The following TUSC3 variants were observed in gnomAD, a reference collection of about 807,000 sequenced individuals.
TUSC3 encodes the protein dolichyl-diphosphooligosaccharide--protein glycosyltransferase subunit TUSC3.
A neutral mutation model predicts 44.8 loss-of-function variants in TUSC3; 45 were observed. That is an observed-to-expected ratio of 1.00 (90% CI 0.79 to 1.29). The LOEUF (loss-of-function observed/expected upper bound fraction) is 1.29. Ranked by LOEUF, TUSC3 falls within the 50% of genes most tolerant of loss-of-function variation. The pLI, the probability that TUSC3 is intolerant of heterozygous loss-of-function variation, is 0.00. For missense variants in TUSC3, 519 were observed against 437.9 expected (o/e 1.19, Z -1.65); for synonymous variants, 212 against 152.9 (o/e 1.39, Z -2.85).
At chr8:15,552,202 G>C (rs1053938113) in intron 1 of TUSC3, among the ~76,000 whole-genome samples, 1 of 151,710 alleles carries the variant, frequency 6.6e-6, no homozygotes, top group Non-Finnish European at 1.5e-5. Context: ...AAATATATTG[G>C]AGTATCATCA....
At chr8:15,747,231 T>C (rs1811453786) in intron 8 of TUSC3, among the ~76,000 whole-genome samples, 1 of 152,080 alleles carries the variant, frequency 6.6e-6, no homozygotes, top group Admixed American at 6.5e-5. Flanking sequence ...AAAATCATAG[T>C]TCCTTATTAT....
chr8:15,691,838 G>T (rs372519080), intron 6 of TUSC3, among the ~76,000 whole-genome samples: 23 of 152,106 alleles, frequency 1.5e-4, no homozygotes, highest in African/African-American at 5.3e-4. Flanking sequence ...GAGTTTAGTG[G>T]TGTAATCTTG....
intron 1 of TUSC3, among the ~76,000 whole-genome samples, chr8:15,602,683 TG>T (rs1377520989): frequency 4.0e-5 from 6 of 149,488 alleles, no homozygotes; most frequent in African/African-American, 1.5e-4. Context: ...TGTGTGTGTG[TG>T]TGTGTGTGTG....
At chr8:15,558,550 T>G (rs1802344718) in intron 1 of TUSC3, among the ~76,000 whole-genome samples, 1 of 71,862 alleles carries the variant, frequency 1.4e-5, no homozygotes. Context: ...TCCCTCTTTT[T>G]CTATTGATTG....
chr8:15,581,972 G>T (rs186682549), intron 1 of TUSC3, among the ~76,000 whole-genome samples: 2 of 151,316 alleles, frequency 1.3e-5, no homozygotes, highest in South Asian at 2.1e-4. Context: ...TTCCGTGGGC[G>T]TAGGACCCTC....
At chr8:15,749,977 T>C (rs536921150) in intron 9 of TUSC3, among the ~76,000 whole-genome samples, 1 of 148,334 alleles carries the variant, frequency 6.7e-6, no homozygotes, top group African/African-American at 2.5e-5. Context: ...TAAGTGATAC[T>C]GTGAGATTTT....
intron 1 of TUSC3, among the ~76,000 whole-genome samples, chr8:15,557,789 G>C (rs1378770359): frequency 7.3e-6 from 1 of 137,424 alleles, no homozygotes; most frequent in Non-Finnish European, 1.6e-5. Flanking sequence ...GTTCACTCAT[G>C]ATTTGGCTCT....
At chr8:15,565,746 C>T (rs905091720) in intron 1 of TUSC3, among the ~76,000 whole-genome samples, 1 of 152,110 alleles carries the variant, frequency 6.6e-6, no homozygotes, top group Non-Finnish European at 1.5e-5. Context: ...ATACAAAGCT[C>T]TTTCCCTATA....
intron 2 of TUSC3, among the ~76,000 whole-genome samples, chr8:15,523,658 A>ATATC (rs1801329880): frequency 4.7e-5 from 1 of 21,326 alleles, no homozygotes; most frequent in Non-Finnish European, 1.4e-4. Context: ...ATATATATAT[A>ATATC]TATATATGTG....
At chr8:15,838,887 C>A in the TUSC3 span, among the ~76,000 whole-genome samples, 110 of 152,138 alleles carry the variant, frequency 7.2e-4, no homozygotes, top group African/African-American at 2.5e-3. Context: ...TTTTCCAATT[C>A]TGTGAGGAAA....
chr8:15,457,786 TTATC>T (rs1054621341), intron 1 of TUSC3, among the ~76,000 whole-genome samples: 7 of 147,174 alleles, frequency 4.8e-5, no homozygotes, highest in African/African-American at 1.5e-4. Context: ...ATAAATTAGA[TTATC>T]TAATCTAAAA....
chr8:15,610,489 T>C (rs532244640), intron 1 of TUSC3, among the ~76,000 whole-genome samples: 12 of 152,214 alleles, frequency 7.9e-5, no homozygotes, highest in African/African-American at 2.4e-4. Context: ...ACTAGCAAAC[T>C]TGATTTATTT....
the TUSC3 span, among the ~76,000 whole-genome samples, chr8:15,819,224 T>C: frequency 2.6e-5 from 4 of 152,318 alleles, no homozygotes; most frequent in African/African-American, 7.2e-5. Context: ...AGACTGCACA[T>C]CAACTATCAC....
intron 2 of TUSC3, among the ~76,000 whole-genome samples, chr8:15,519,134 AT>A (rs1222920716): frequency 1.3e-5 from 2 of 152,066 alleles, no homozygotes; most frequent in East Asian, 3.9e-4. Flanking sequence ...TTTATTACTC[AT>A]TTTTTAATTA....
chr8:15,772,051 T>C, the TUSC3 span, among the ~76,000 whole-genome samples: 1 of 151,880 alleles, frequency 6.6e-6, no homozygotes, highest in Non-Finnish European at 1.5e-5. Flanking sequence ...ATCGCGCCAC[T>C]GCACTCTAGC....
chr8:15,424,647 G>C (rs142982023), intron 1 of TUSC3, among the ~76,000 whole-genome samples: 3,049 of 152,246 alleles, frequency 0.02, 48 homozygotes, highest in Non-Finnish European at 0.033. Context: ...CTGGGAGGCC[G>C]AGGTGGATGG....
intron 2 of TUSC3, 126 bp from the exon 3 acceptor site, chr8:15,650,571 C>A: frequency 4.3e-6 from 3 of 700,392 alleles, no homozygotes; most frequent in South Asian, 1.8e-5. Flanking sequence ...ATTTTAAAAA[C>A]TATGCTTTTC....
chr8:15,706,303 A>G (rs1809614074), intron 6 of TUSC3, among the ~76,000 whole-genome samples: 3 of 152,078 alleles, frequency 2.0e-5, no homozygotes, highest in African/African-American at 4.8e-5. Context: ...CAATAAGTCA[A>G]TTAAGGAAGC....
chr8:15,740,897 G>A lies in TUSC3; in HGVS notation c.863-2641G>A, dbSNP rs1305378226. Among the ~76,000 whole-genome samples the A allele has an allele frequency of 2.0e-5, 3 of 152,142 alleles. No homozygotes were observed. The East Asian group carries it at 5.8e-4, about 29-fold the overall frequency. ...AAACAAATGCCATCAGTAAGATAAA[G>A]CAATAAAATATGGTATACTCTTACG... On this transcript the variant is annotated intron_variant, in intron 7 of 10. Transcript: ENST00000503731.
Sources: allele counts gnomAD v4.1 joint callset (sites outside exome capture counted in the v4.1 genomes callset), GRCh38; gene constraint gnomAD v4.1.1; transcripts MANE v1.5; gene names NCBI Gene and HGNC (gene_info 2026-07-23, HGNC 2026-07-21).